RYR2: variants seen among roughly 807,000 people sequenced by gnomAD.
RYR2 encodes the protein cardiac muscle ryanodine receptor-calcium release channel.
A neutral mutation model predicts 601.1 loss-of-function variants in RYR2; 227 were observed. That is an observed-to-expected ratio of 0.38 (90% CI 0.34 to 0.42). The LOEUF is 0.42. Ranked by LOEUF, RYR2 falls within the 10% of genes least tolerant of loss-of-function variation. The probability of loss-of-function intolerance (pLI) is 1.00; values close to 1 mark genes in which losing one functional copy is unlikely to be tolerated. For synonymous variants in RYR2, 2,223 were observed against 2,175.1 expected (o/e 1.02, Z -0.61); for missense variants, 4,646 against 6,156.5 (o/e 0.75, Z 8.21).
chr1:237,499,107 A>C (rs1284270441), intron 20 of RYR2, among the ~76,000 whole-genome samples: 1 of 152,130 alleles, frequency 6.6e-6, no homozygotes. Context: ...TTGAAGTATC[A>C]AATATCAGTG....
chr1:237,449,532 A>G (rs1035169292), intron 14 of RYR2, among the ~76,000 whole-genome samples: 6 of 152,154 alleles, frequency 3.9e-5, no homozygotes, highest in Non-Finnish European at 7.4e-5. Context: ...AAAAACATCT[A>G]TATTTGCACA....
At chr1:237,803,641 G>C (rs531505296) in intron 98 of RYR2, among the ~76,000 whole-genome samples, 1 of 152,196 alleles carries the variant, frequency 6.6e-6, no homozygotes, top group South Asian at 2.1e-4. Context: ...CCATCTGAAT[G>C]TCCCATGGCA....
intron 29 of RYR2, among the ~76,000 whole-genome samples, chr1:237,570,309 C>CG (rs1178490713): frequency 1.3e-5 from 2 of 150,516 alleles, no homozygotes; most frequent in African/African-American, 4.9e-5. Flanking sequence ...CTTGGCCACA[C>CG]AGGGCTGTTT....
chr1:237,795,858 A>ATATATATATATATATATATGTATATG (rs1659103300), intron 96 of RYR2, among the ~76,000 whole-genome samples: 1 of 134,892 alleles, frequency 7.4e-6, no homozygotes, highest in African/African-American at 3.0e-5. Flanking sequence ...ATGTATATGT[A>ATATATATATATATATATATGTATATG]TATATATATA....
intron 79 of RYR2, among the ~76,000 whole-genome samples, chr1:237,739,390 T>C (rs573469249): frequency 5.3e-5 from 8 of 152,314 alleles, no homozygotes; most frequent in Admixed American, 6.5e-5. Context: ...TTCCTTAGAA[T>C]GTCTCTTTAC....
chr1:237,453,290 A>T (rs1658424133), intron 14 of RYR2, among the ~76,000 whole-genome samples: 1 of 152,130 alleles, frequency 6.6e-6, no homozygotes, highest in South Asian at 2.1e-4. Context: ...CAAAAACTTT[A>T]AAATAGTTGT....
chr1:237,665,353 C>T (rs998758972), intron 56 of RYR2, among the ~76,000 whole-genome samples: 5 of 144,856 alleles, frequency 3.5e-5, no homozygotes, highest in Non-Finnish European at 6.0e-5. Context: ...GAGTCAAGAT[C>T]GTGCCACTGC....
At chr1:237,674,641 A>C in intron 59 of RYR2, 90 bp from the exon 60 acceptor site, 1 of 678,980 alleles carries the variant, frequency 1.5e-6, no homozygotes. Context: ...ATATGTATGT[A>C]TATACACATA....
intron 14 of RYR2, 116 bp downstream of exon 14, chr1:237,445,638 G>A: frequency 2.4e-6 from 3 of 1,271,658 alleles, no homozygotes; most frequent in Non-Finnish European, 3.3e-6. Flanking sequence ...ATACTGTTTG[G>A]TAAGTCAGCA....
intron 19 of RYR2, among the ~76,000 whole-genome samples, chr1:237,494,285 C>T (rs148007211): frequency 0.024 from 3,703 of 152,078 alleles, 64 homozygotes; most frequent in Middle Eastern, 0.058. Flanking sequence ...GCTGAAGGCC[C>T]GAGAGCCCCT....
intron 1 of RYR2, among the ~76,000 whole-genome samples, chr1:237,155,351 A>G (rs538261655): frequency 5.6e-4 from 84 of 151,248 alleles, no homozygotes; most frequent in Non-Finnish European, 9.4e-4. Context: ...AATTTTTTGT[A>G]TTTTTTAGTA....
chr1:237,426,806 A>C (rs10458441), intron 12 of RYR2, among the ~76,000 whole-genome samples: 2 of 152,118 alleles, frequency 1.3e-5, no homozygotes, highest in African/African-American at 4.8e-5. Context: ...GAGCTCAGGA[A>C]TTTGTGGCTG....
At chr1:237,299,044 T>C (rs890118396) in intron 2 of RYR2, among the ~76,000 whole-genome samples, 4 of 152,088 alleles carry the variant, frequency 2.6e-5, no homozygotes, top group African/African-American at 9.7e-5. Flanking sequence ...TATGCATGCC[T>C]CTGTTAAATT....
intron 1 of RYR2, among the ~76,000 whole-genome samples, chr1:237,044,061 T>C (rs1660253446): frequency 6.6e-6 from 1 of 152,212 alleles, no homozygotes; most frequent in Admixed American, 6.5e-5. Flanking sequence ...CCATTGCATA[T>C]GCTTTTTGAA....
chr1:237,104,998 G>T (rs577608284), intron 1 of RYR2, among the ~76,000 whole-genome samples: 1 of 152,224 alleles, frequency 6.6e-6, no homozygotes, highest in Non-Finnish European at 1.5e-5. Flanking sequence ...CTGGCAGACT[G>T]TCAGGGAGAA....
intron 2 of RYR2, among the ~76,000 whole-genome samples, chr1:237,308,050 T>C (rs10925367): frequency 0.48 from 72,929 of 151,158 alleles, 20,792 homozygotes; most frequent in Non-Finnish European, 0.62. Context: ...GGCCGGAACT[T>C]GCTGCGCTGC....
Position 237,614,458 on chromosome 1 carries a change from A to G in RYR2, c.5330A>G (p.Gln1777Arg). ...GTAAGCATTAGTAATGAATGTTACC[A>G]GTACAGTCCAGAGTTCCCACTGGAC... The part of the protein sequence containing the change: ...SFVSISNECY[Q>R]YSPEFPLDIL... The change falls in exon 37 of 105, where the codon CAG becomes CGG. Residue 1777 changes from glutamine to arginine, a missense_variant. By Grantham distance (43) the Gln-to-Arg change is conservative (BLOSUM62 1). Coordinates refer to ENST00000366574, the MANE Select transcript of RYR2 (RefSeq NM_001035.3). This position sits in a 1 kb window ranked among gnomAD's most constrained non-coding sequence, Gnocchi z 4.3. 1 of 1,614,058 alleles carries G rather than the reference A, an allele frequency of 6.2e-7. No individual in the cohort carries two copies. Among genetic ancestry groups the G allele is most frequent in the Non-Finnish European group, 8.5e-7 (1 of 1,179,896 alleles).
At chr1:237,781,993 A>C (rs150522895) in intron 89 of RYR2, among the ~76,000 whole-genome samples, 1,645 of 152,256 alleles carry the variant, frequency 0.011, 18 homozygotes, top group Middle Eastern at 0.02. Context: ...TTTGGGTAAC[A>C]GTCAGCTGTG....
chr1:237,700,568 T>C (rs941068490), intron 65 of RYR2, 101 bp downstream of exon 65: 28 of 643,590 alleles, frequency 4.4e-5, no homozygotes, highest in Middle Eastern at 6.6e-4. Context: ...TAAAACACTG[T>C]TTACATGTTA....
Sources: gnomAD v4.1 joint callset for allele counts (sites outside exome capture counted in the v4.1 genomes callset) on GRCh38, gnomAD v4.1.1 for gene constraint, Gnocchi (gnomAD v3.1) non-coding constraint, MANE v1.5 for transcripts, NCBI Gene and HGNC (gene_info 2026-07-23, HGNC 2026-07-21) for gene names.